EFCAB6: variants seen among roughly 807,000 people sequenced by gnomAD.
The protein encoded by EFCAB6 is EF-hand calcium-binding domain-containing protein 6.
A neutral mutation model predicts 169.8 loss-of-function variants in EFCAB6; 156 were observed. That is an observed-to-expected ratio of 0.92 (90% CI 0.81 to 1.05). EFCAB6 has a LOEUF of 1.05. Ranked by LOEUF, EFCAB6 falls within the 50% of genes least tolerant of loss-of-function variation. The pLI is 0.00. For synonymous variants in EFCAB6, 698 were observed against 676.4 expected, an observed-to-expected ratio of 1.03 and a Z score of -0.50; for missense variants, 1,800 against 1,829.1, an observed-to-expected ratio of 0.98 and a Z score of 0.29.
intron 2 of EFCAB6, among the ~76,000 whole-genome samples, chr22:43,807,561 A>G (rs2062963895): frequency 6.6e-6 from 1 of 152,248 alleles, no homozygotes; most frequent in Non-Finnish European, 1.5e-5. Context: ...TCATAACAAA[A>G]GTGCCATCCA....
chr22:43,800,057 T>C (rs1280257768), intron 2 of EFCAB6, among the ~76,000 whole-genome samples: 1 of 152,206 alleles, frequency 6.6e-6, no homozygotes, highest in Non-Finnish European at 1.5e-5. Context: ...GAGGTGGGAC[T>C]ACCATCTCCA....
chr22:43,799,208 C>T (rs1411749719), intron 2 of EFCAB6, among the ~76,000 whole-genome samples: 6 of 151,820 alleles, frequency 4.0e-5, no homozygotes, highest in Non-Finnish European at 8.8e-5. Context: ...GGTGTGCCTG[C>T]AGTCCCAGGT....
intron 6 of EFCAB6, among the ~76,000 whole-genome samples, chr22:43,742,538 G>A (rs2060413348): frequency 6.6e-6 from 1 of 152,214 alleles, no homozygotes; most frequent in South Asian, 2.1e-4. Flanking sequence ...ATTTTAAAAG[G>A]AAACCAAAGC....
chr22:43,779,241 G>T (rs1385534852), intron 3 of EFCAB6, among the ~76,000 whole-genome samples: 1 of 152,218 alleles, frequency 6.6e-6, no homozygotes, highest in Non-Finnish European at 1.5e-5. Flanking sequence ...CTATAGAAAT[G>T]ATTCAACCTG....
At chr22:43,678,205 A>T in intron 12 of EFCAB6, 42 bp from the exon 13 acceptor site, 1 of 1,563,438 alleles carries the variant, frequency 6.4e-7, no homozygotes, top group Non-Finnish European at 8.6e-7. Context: ...TGAAAAAAAA[A>T]AAAAAAGGAA....
chr22:43,770,101 C>T (rs1332438625), intron 4 of EFCAB6, among the ~76,000 whole-genome samples: 3 of 152,142 alleles, frequency 2.0e-5, no homozygotes, highest in African/African-American at 7.2e-5. Flanking sequence ...AGGTGATCTG[C>T]CTGCTTTGGC....
intron 5 of EFCAB6, among the ~76,000 whole-genome samples, chr22:43,757,535 G>A (rs2061001939): frequency 1.3e-5 from 2 of 152,246 alleles, no homozygotes; most frequent in African/African-American, 2.4e-5. Context: ...CAACAACAGC[G>A]AAACTCCATC....
At chr22:43,622,467 G>C (rs1223901428) in intron 20 of EFCAB6, among the ~76,000 whole-genome samples, 2 of 152,172 alleles carry the variant, frequency 1.3e-5, no homozygotes, top group Non-Finnish European at 2.9e-5. Flanking sequence ...TTGGGAGTCT[G>C]AGGCAGGAGA....
chr22:43,634,741 A>C (rs1271010483), intron 18 of EFCAB6, among the ~76,000 whole-genome samples: 4 of 152,128 alleles, frequency 2.6e-5, no homozygotes, highest in Non-Finnish European at 4.4e-5. Context: ...ACAGGGAGGA[A>C]TAATATTCGT....
At chr22:43,706,554 A>G (rs751121195) in intron 10 of EFCAB6, among the ~76,000 whole-genome samples, 3 of 152,226 alleles carry the variant, frequency 2.0e-5, no homozygotes. Context: ...GGTATATAAT[A>G]AGTGCTCAAG....
rs2374775 is a variant in EFCAB6, at chr22:43,715,186, A to C, written c.882+1662T>G. Among the ~76,000 whole-genome samples the C allele has an allele frequency of 3.3e-5, 5 of 152,234 alleles. No homozygotes were observed. In the South Asian group the frequency reaches 1.0e-3, roughly 32 times the overall value. ...TTAGAGTCCCTTTGGGGACCTAATA[A>C]GTCTTGCGGGAAGGAAATGTTCATC... On this transcript the variant is annotated intron_variant, in intron 9 of 31. Coordinates refer to ENST00000262726, the MANE Select transcript of EFCAB6 (RefSeq NM_022785.4).
At chr22:43,574,929 A>G (rs2050141663) in intron 26 of EFCAB6, among the ~76,000 whole-genome samples, 1 of 152,204 alleles carries the variant, frequency 6.6e-6, no homozygotes, top group Admixed American at 6.5e-5. Context: ...GGGGCTGTAC[A>G]TTGTACAACC....
At chr22:43,730,714 T>C (rs1438193911) in intron 8 of EFCAB6, among the ~76,000 whole-genome samples, 1 of 152,220 alleles carries the variant, frequency 6.6e-6, no homozygotes, top group Non-Finnish European at 1.5e-5. Flanking sequence ...CTTCCATCTC[T>C]TCCTTGTCGC....
chr22:43,684,874 T>C (rs144979749), intron 11 of EFCAB6, among the ~76,000 whole-genome samples: 33 of 152,276 alleles, frequency 2.2e-4, no homozygotes, highest in Middle Eastern at 3.4e-3. Context: ...CTGCAGAGTG[T>C]TGAGCAGCAT....
intron 18 of EFCAB6, among the ~76,000 whole-genome samples, chr22:43,633,355 C>T (rs1049824611): frequency 1.3e-5 from 2 of 152,194 alleles, no homozygotes; most frequent in Non-Finnish European, 2.9e-5. Context: ...CGAGACCATC[C>T]TGGCCAACAT....
intron 6 of EFCAB6, among the ~76,000 whole-genome samples, chr22:43,737,811 TCACACACACTCACACCATTACTCA>T (rs2060208556): frequency 7.0e-6 from 1 of 143,742 alleles, no homozygotes; most frequent in East Asian, 2.1e-4. Flanking sequence ...GTGCATATAC[TCACACACACTCACACCATTACTCA>T]CACACATATA....
intron 20 of EFCAB6, among the ~76,000 whole-genome samples, chr22:43,617,436 T>C (rs1981467): frequency 0.68 from 103,988 of 152,036 alleles, 35,729 homozygotes; most frequent in Admixed American, 0.77. Flanking sequence ...CCCCTACTTT[T>C]CACACCCTGA....
intron 10 of EFCAB6, among the ~76,000 whole-genome samples, chr22:43,702,549 A>G (rs182657309): frequency 7.5e-4 from 115 of 152,334 alleles, no homozygotes; most frequent in African/African-American, 2.7e-3. Context: ...CAGAGGGAAA[A>G]GAGAGCTGGA....
At chr22:43,722,740 C>T (rs1432337479) in intron 8 of EFCAB6, among the ~76,000 whole-genome samples, 1 of 152,092 alleles carries the variant, frequency 6.6e-6, no homozygotes, top group African/African-American at 2.4e-5. Flanking sequence ...ATTATGCCAA[C>T]AACACATGCA....
Sources: allele counts gnomAD v4.1 joint callset (sites outside exome capture counted in the v4.1 genomes callset), GRCh38; gene constraint gnomAD v4.1.1; transcripts MANE v1.5; gene names NCBI Gene and HGNC (gene_info 2026-07-23, HGNC 2026-07-21).